The following PGK1 variants were observed in gnomAD, a reference collection of about 807,000 sequenced individuals.
PGK1 encodes the protein PRP 2.
PGK1 carries 3 observed loss-of-function variants against 26.9 expected under a neutral mutation model. That is an observed-to-expected ratio of 0.11 (90% CI 0.05 to 0.29). PGK1 has a LOEUF of 0.29. PGK1 is among the 10% of genes least tolerant of loss of function. The probability of loss-of-function intolerance (pLI) is 1.00; values close to 1 mark genes in which losing one functional copy is unlikely to be tolerated. For missense variants in PGK1, 270 were observed against 314.7 expected, an observed-to-expected ratio of 0.86 and a Z score of 1.07; for synonymous variants, 125 against 115.3, an observed-to-expected ratio of 1.08 and a Z score of -0.54.
chrX:78,121,683 TG>T (rs2078355866), intron 6 of PGK1, among the ~76,000 whole-genome samples: 1 of 112,580 alleles, frequency 8.9e-6, no homozygotes, highest in African/African-American at 3.2e-5. Flanking sequence ...GCTATTACTT[TG>T]TTTCTCTTTA....
intron 5 of PGK1, 30 bp from the exon 6 acceptor site, chrX:78,118,021 T>G: frequency 8.4e-7 from 1 of 1,190,274 alleles, no homozygotes; most frequent in African/African-American, 1.7e-5. Flanking sequence ...AGGGATTGAC[T>G]AGAATCTGAA....
chrX:78,105,685 G>T (rs1450421164), intron 1 of PGK1, among the ~76,000 whole-genome samples: 2 of 111,518 alleles, frequency 1.8e-5, no homozygotes, highest in Non-Finnish European at 3.8e-5. Flanking sequence ...TTTCACTTTG[G>T]TCAATATTTT....
chrX:78,109,870 C>T lies in PGK1; in HGVS notation c.69C>T (p.Val23=), dbSNP rs781928880. 8.4e-6 allele frequency: 10 copies of T among 1,186,574 alleles called. No homozygotes were observed. Among genetic ancestry groups the T allele is most frequent in the Admixed American group, 4.4e-5 (2 of 45,671 alleles). ...DVKGKRVVMR[V]DFNVPMKNNQ... Reference sequence around the variant, plus strand: ...GTCTTGCATCTTTCTTTTTTAGAGTCGACTTCAATGTTCCTATGAAGAACA... The same window carrying T: ...GTCTTGCATCTTTCTTTTTTAGAGTTGACTTCAATGTTCCTATGAAGAACA... The change falls in exon 2 of 11, where the codon GTC becomes GTT. Residue 23 remains valine, a synonymous_variant. Transcript: ENST00000373316.
rs371377114 is a variant in PGK1, at chrX:78,117,296, T to C, written c.418-16T>C. On this transcript the variant is annotated splice_polypyrimidine_tract_variant and intron_variant, in intron 4 of 10. Coordinates refer to ENST00000373316, the MANE Select transcript of PGK1 (RefSeq NM_000291.4). ...TTTGGAGCCATCACATTTTCTGTTT[T>C]TGTTTTTCTCTATAGGTTAAAGCCG... 5 of 1,121,796 alleles carry C rather than the reference T, an allele frequency of 4.5e-6. No homozygotes were observed. The African/African-American group carries it at 9.0e-5, about 20-fold the overall frequency. The allele number at this position is 1,121,796 out of a possible 1,213,427, so 92.4% of individuals were successfully genotyped here.
chrX:78,118,225 C>G (rs1485586324), intron 6 of PGK1, 55 bp downstream of exon 6: 1 of 1,157,206 alleles, frequency 8.6e-7, no homozygotes, highest in Non-Finnish European at 1.2e-6. Flanking sequence ...GGTAGTAGGC[C>G]ATAACTTGGG....
rs1557248507 is a variant in PGK1, at chrX:78,125,034, G to T, written c.1097G>T (p.Gly366Val). The T allele has an allele frequency of 8.3e-7, 1 of 1,209,001 alleles. No individual in the cohort carries two copies. The highest frequency in any genetic ancestry group is 1.8e-5 in the South Asian group (1 of 56,929). ...MDEVVKATSR[G>V]CITIIGGGDT... Reference sequence around the variant, plus strand: ...GAGGTGGTGAAAGCCACTTCTAGGGGCTGCATCACCATCATAGGTAAGCGG... The same window carrying T: ...GAGGTGGTGAAAGCCACTTCTAGGGTCTGCATCACCATCATAGGTAAGCGG... Residue 366 changes from glycine to valine, a missense_variant, in exon 9 of 11, where the codon GGC becomes GTC. Coordinates refer to ENST00000373316, the MANE Select transcript of PGK1 (RefSeq NM_000291.4).
At chrX:78,117,880 A>G (rs1336654719) in intron 5 of PGK1, among the ~76,000 whole-genome samples, 171 bp from the exon 6 acceptor site, 1 of 112,732 alleles carries the variant, frequency 8.9e-6, no homozygotes, top group African/African-American at 3.2e-5. Context: ...TTGCACTATT[A>G]GTTAAAAATC....
chrX:78,117,875 C>T (rs896290280), intron 5 of PGK1, among the ~76,000 whole-genome samples, 176 bp from the exon 6 acceptor site: 1 of 112,666 alleles, frequency 8.9e-6, no homozygotes, highest in African/African-American at 3.2e-5. Flanking sequence ...TGACCTTGCA[C>T]TATTAGTTAA....
Position 78,104,286 on chromosome X carries a change from G to T in PGK1, c.-55G>T. On this transcript the variant is annotated 5_prime_UTR_variant, in exon 1 of 11. Coordinates refer to ENST00000373316, the MANE Select transcript of PGK1 (RefSeq NM_000291.4). ...CAAGCCTCCGGAGCGCACGTCGGCA[G>T]TCGGCTCCCTCGTTGACCGAATCAC... is the stretch of plus-strand genomic sequence containing the variant. 1 of 942,947 alleles carries T rather than the reference G, an allele frequency of 1.1e-6. No individual in the cohort carries two copies. Among genetic ancestry groups the T allele is most frequent in the Middle Eastern group, 3.3e-4 (1 of 3,036 alleles). The allele number at this position is 942,947 out of a possible 1,213,427, so 77.7% of individuals were successfully genotyped here.
At chrX:78,105,885 G>A (rs1449389592) in intron 1 of PGK1, among the ~76,000 whole-genome samples, 1 of 111,826 alleles carries the variant, frequency 8.9e-6, no homozygotes, top group Non-Finnish European at 1.9e-5. Context: ...AAAGGGGATA[G>A]ACCCTGTAAA....
Position 78,127,513 on chromosome X carries a change from C to T in PGK1, c.*1683C>T, listed in dbSNP as rs2078388554. 8.9e-6 allele frequency: 1 copy of T among 111,863 alleles called. No homozygotes were observed. Among genetic ancestry groups the T allele is most frequent in the African/African-American group, 3.3e-5 (1 of 30,766 alleles). The allele number at this position is 111,863 out of a possible 1,213,427, so 9.2% of individuals were successfully genotyped here. ...TCACCTTTAGGGACAAAGAAATAAA[C>T]TTTTGGACAGGACCACAGAGCTAGT... On this transcript the variant is annotated 3_prime_UTR_variant, in exon 11 of 11. Coordinates refer to ENST00000373316, the MANE Select transcript of PGK1 (RefSeq NM_000291.4).
chrX:78,104,324 C>G lies in PGK1; in HGVS notation c.-17C>G. The G allele has an allele frequency of 8.5e-7, 1 of 1,173,651 alleles. No individual in the cohort carries two copies. The highest frequency in any genetic ancestry group is 1.2e-6 in the Non-Finnish European group (1 of 861,093). ...TTGACCGAATCACCGACCTCTCTCC[C>G]CAGCTGTATTTCCAAAATGTCGCTT... On this transcript the variant is annotated 5_prime_UTR_variant, in exon 1 of 11. Transcript: ENST00000373316.
At chrX:78,117,624 TG>T (rs1198041870) in intron 5 of PGK1, among the ~76,000 whole-genome samples, 7 of 112,814 alleles carry the variant, frequency 6.2e-5, no homozygotes, top group African/African-American at 1.9e-4. Flanking sequence ...TAGGGCTTTT[TG>T]TGGAGTTTCA....
intron 1 of PGK1, among the ~76,000 whole-genome samples, chrX:78,106,145 G>C (rs1262641485): frequency 9.0e-6 from 1 of 111,401 alleles, no homozygotes; most frequent in Non-Finnish European, 1.9e-5. Context: ...TCTCCCTCTG[G>C]ACCTAATAAA....
At chrX:78,109,703 G>A (rs782274489) in intron 1 of PGK1, among the ~76,000 whole-genome samples, 164 bp from the exon 2 acceptor site, 1 of 110,874 alleles carries the variant, frequency 9.0e-6, no homozygotes, top group Non-Finnish European at 1.9e-5. Context: ...CACCACTCCC[G>A]CCATCCTCCC....
intron 8 of PGK1, among the ~76,000 whole-genome samples, chrX:78,124,291 G>T (rs910201350): frequency 3.5e-4 from 39 of 111,625 alleles, no homozygotes; most frequent in Admixed American, 2.8e-3. Context: ...TTTGGAACTT[G>T]TTAAAAATGC....
At chrX:78,104,791 C>T (rs1329072106) in intron 1 of PGK1, among the ~76,000 whole-genome samples, 10 of 112,034 alleles carry the variant, frequency 8.9e-5, no homozygotes. Flanking sequence ...ATTTTACTTT[C>T]CCTTCCCCCA....
chrX:78,122,968 G>C lies in PGK1; in HGVS notation c.756+19G>C. The C allele has an allele frequency of 1.1e-6, 1 of 946,604 alleles. No individual in the cohort carries two copies. The highest frequency in any genetic ancestry group is 1.5e-6 in the Non-Finnish European group (1 of 653,115). The allele number at this position is 946,604 out of a possible 1,213,427, so 78.0% of individuals were successfully genotyped here. Reference sequence around the variant, plus strand: ...CATGGAGGTAGGAAACAAATGCCAAGTGGATGTGAAATAGCTCTCCATGAT... The same window carrying C: ...CATGGAGGTAGGAAACAAATGCCAACTGGATGTGAAATAGCTCTCCATGAT... On this transcript the variant is annotated intron_variant, in intron 7 of 10. Transcript: ENST00000373316.
intron 1 of PGK1, chrX:78,106,465 T>G (rs1430108989): frequency 5.3e-6 from 4 of 751,030 alleles, no homozygotes; most frequent in Admixed American, 1.7e-4. Context: ...GTAGGCCTAC[T>G]TTTTTGGAGG....
Sources: gnomAD v4.1 joint callset for allele counts (sites outside exome capture counted in the v4.1 genomes callset) on GRCh38, gnomAD v4.1.1 for gene constraint, MANE v1.5 for transcripts, NCBI Gene and HGNC (gene_info 2026-07-23, HGNC 2026-07-21) for gene names.